Variants in TNS3 observed in about 807,000 individuals in gnomAD.
TNS3 encodes tensin 3, also known as tensin-3.
In TNS3, 45 loss-of-function variants were observed where a neutral mutation model predicts 140.9. The ratio of observed to expected loss-of-function variants is 0.32; its 90% CI spans 0.25 to 0.41. The LOEUF (loss-of-function observed/expected upper bound fraction) is 0.41, where lower values mean the gene tolerates loss of function less well. TNS3 is among the 10% of genes least tolerant of loss of function. The probability of loss-of-function intolerance (pLI) is 1.00; values close to 1 mark genes in which losing one functional copy is unlikely to be tolerated. For missense variants in TNS3, 1,716 were observed against 1,906.7 expected, an observed-to-expected ratio of 0.90 and a Z score of 1.86; for synonymous variants, 815 against 788.4, an observed-to-expected ratio of 1.03 and a Z score of -0.56.
chr7:47,498,212 A>G (rs533169139), intron 3 of TNS3, among the ~76,000 whole-genome samples: 4 of 151,220 alleles, frequency 2.6e-5, no homozygotes, highest in South Asian at 4.1e-4. Context: ...AGTTTAATCA[A>G]TAAAACACAC....
chr7:47,464,045 T>C (rs901223512), intron 4 of TNS3, among the ~76,000 whole-genome samples: 1 of 152,216 alleles, frequency 6.6e-6, no homozygotes. Flanking sequence ...TACCTGACTC[T>C]ACTTCTTCAT....
intron 1 of TNS3, among the ~76,000 whole-genome samples, chr7:47,559,076 T>G (rs6463421): frequency 0.99 from 150,134 of 152,368 alleles, 74,014 homozygotes; most frequent in Non-Finnish European, 1. Context: ...GACAGGCAGG[T>G]CGTGGTGGTT....
At chr7:47,339,964 T>TAA (rs1471592178) in intron 20 of TNS3, among the ~76,000 whole-genome samples, 7 of 143,918 alleles carry the variant, frequency 4.9e-5, no homozygotes, top group Admixed American at 4.9e-4. Context: ...GGCATATATA[T>TAA]ATATATATAT....
chr7:47,383,838 T>G (rs1449153764), intron 16 of TNS3, among the ~76,000 whole-genome samples: 1 of 150,228 alleles, frequency 6.7e-6, no homozygotes, highest in Non-Finnish European at 1.5e-5. Context: ...CACCCTCTAG[T>G]GCAGGGTTCC....
Position 47,368,967 on chromosome 7 carries a change from G to C in TNS3, c.1679C>G (p.Pro560Arg). 5 of 1,613,858 alleles carry C rather than the reference G, an allele frequency of 3.1e-6. No homozygotes were observed. Among genetic ancestry groups the C allele is most frequent in the Non-Finnish European group, 4.2e-6 (5 of 1,179,986 alleles). Residue 560 changes from proline (P) to arginine (R), a missense_variant, in exon 17 of 31, where the codon CCC (proline) becomes CGC (arginine). Coordinates refer to ENST00000311160, the MANE Select transcript of TNS3 (RefSeq NM_022748.12). ...ERERTFGSREPKQPQPLLRKP... is the reference protein window; with the variant it reads ...ERERTFGSRERKQPQPLLRKP... Reference sequence around the variant, plus strand: ...TCTCAGCAGGGGCTGGGGCTGCTTGGGCTCTCGACTCCCAAAAGTCCGCTC... The same window carrying C: ...TCTCAGCAGGGGCTGGGGCTGCTTGCGCTCTCGACTCCCAAAAGTCCGCTC...
chr7:47,380,184 C>T (rs1231246739), intron 16 of TNS3, among the ~76,000 whole-genome samples: 1 of 152,214 alleles, frequency 6.6e-6, no homozygotes, highest in Admixed American at 6.5e-5. Flanking sequence ...CAAGGTGCCC[C>T]CACAGCCGTA....
At chr7:47,311,263 G>A (rs1787073998) in intron 20 of TNS3, among the ~76,000 whole-genome samples, 1 of 152,128 alleles carries the variant, frequency 6.6e-6, no homozygotes, top group Non-Finnish European at 1.5e-5. Context: ...TGCCATTCTG[G>A]GGGCAGGGGG....
At chr7:47,558,758 C>T (rs1192358865) in intron 1 of TNS3, among the ~76,000 whole-genome samples, 1 of 152,170 alleles carries the variant, frequency 6.6e-6, no homozygotes, top group Non-Finnish European at 1.5e-5. Context: ...CCCACTCTCC[C>T]ACACAGCCAC....
At chr7:47,416,012 G>A (rs998961495) in intron 10 of TNS3, among the ~76,000 whole-genome samples, 45 of 152,374 alleles carry the variant, frequency 3.0e-4, no homozygotes, top group Middle Eastern at 3.4e-3. Flanking sequence ...TGTCCTGCCT[G>A]TTGGTGCCCT....
chr7:47,479,946 C>G (rs1205371608), intron 4 of TNS3, among the ~76,000 whole-genome samples: 1 of 152,180 alleles, frequency 6.6e-6, no homozygotes, highest in Non-Finnish European at 1.5e-5. Flanking sequence ...AGAGCCACCC[C>G]CACGCCCACT....
intron 3 of TNS3, among the ~76,000 whole-genome samples, chr7:47,497,360 G>A (rs1157509915): frequency 6.6e-6 from 1 of 152,112 alleles, no homozygotes; most frequent in Non-Finnish European, 1.5e-5. Flanking sequence ...CACTCCTGCA[G>A]AAGCCACCAG....
chr7:47,565,633 C>T (rs1183248470), intron 1 of TNS3, among the ~76,000 whole-genome samples: 2 of 152,198 alleles, frequency 1.3e-5, no homozygotes, highest in African/African-American at 2.4e-5. Flanking sequence ...TCCCAAATTA[C>T]TGGGATTATA....
chr7:47,558,352 C>T (rs1483115309), intron 1 of TNS3, among the ~76,000 whole-genome samples: 2 of 152,180 alleles, frequency 1.3e-5, no homozygotes, highest in African/African-American at 2.4e-5. Context: ...AAAAGCAAAG[C>T]TCCCAGTCTG....
intron 4 of TNS3, among the ~76,000 whole-genome samples, chr7:47,476,546 A>G (rs1797200480): frequency 6.6e-6 from 1 of 152,208 alleles, no homozygotes; most frequent in Non-Finnish European, 1.5e-5. Context: ...TTGTCCCTTT[A>G]TAGTTCTAAA....
intron 10 of TNS3, among the ~76,000 whole-genome samples, chr7:47,420,504 AT>A (rs765558084): frequency 7.9e-5 from 12 of 152,204 alleles, no homozygotes; most frequent in Non-Finnish European, 1.8e-4. Context: ...TCAGATAGGC[AT>A]GCGTACAACT....
intron 30 of TNS3, chr7:47,278,527 T>G: frequency 3.5e-6 from 1 of 282,718 alleles, no homozygotes; most frequent in Non-Finnish European, 6.6e-6. Flanking sequence ...TATAGATGCT[T>G]CCCCACGCCA....
intron 3 of TNS3, among the ~76,000 whole-genome samples, chr7:47,504,644 C>T (rs1553841): frequency 0.038 from 5,792 of 152,272 alleles, 148 homozygotes; most frequent in Middle Eastern, 0.068. Flanking sequence ...ACTCAAAAGC[C>T]GAGTGCAATA....
chr7:47,542,498 T>C (rs1373744826), intron 1 of TNS3, among the ~76,000 whole-genome samples: 1 of 152,138 alleles, frequency 6.6e-6, no homozygotes, highest in Non-Finnish European at 1.5e-5. Context: ...CACCAGATAC[T>C]CTGGGCAGAT....
intron 1 of TNS3, among the ~76,000 whole-genome samples, chr7:47,548,384 T>C (rs1281770092): frequency 6.6e-6 from 1 of 152,182 alleles, no homozygotes; most frequent in African/African-American, 2.4e-5. Context: ...AGGCTGACTA[T>C]AGTCACTGCC....
Sources: allele counts gnomAD v4.1 joint callset (sites outside exome capture counted in the v4.1 genomes callset), GRCh38; gene constraint gnomAD v4.1.1; transcripts MANE v1.5; gene names NCBI Gene and HGNC (gene_info 2026-07-23, HGNC 2026-07-21).